Variants in EPB41L4A observed in about 807,000 individuals in gnomAD.
EPB41L4A encodes band 4.1-like protein 4A.
Under a neutral mutation model 108.6 loss-of-function variants are expected in EPB41L4A, and 100 were observed. The observed-to-expected ratio is 0.92, with a 90% CI of 0.78 to 1.09. The LOEUF is 1.09. EPB41L4A is among the 50% of genes least tolerant of loss of function. The pLI, the probability that EPB41L4A is intolerant of heterozygous loss-of-function variation, is 0.00. For missense variants in EPB41L4A, 1,030 were observed against 842.7 expected (o/e 1.22, Z -2.75); for synonymous variants, 319 against 289.0 (o/e 1.10, Z -1.05).
At chr5:112,416,932 T>C (rs1367168426) in intron 1 of EPB41L4A, among the ~76,000 whole-genome samples, 1 of 152,212 alleles carries the variant, frequency 6.6e-6, no homozygotes, top group Non-Finnish European at 1.5e-5. Flanking sequence ...TAAGGTAGCA[T>C]AGAAGATAAT....
intron 18 of EPB41L4A, among the ~76,000 whole-genome samples, chr5:112,177,110 C>G (rs1299065484): frequency 6.6e-6 from 1 of 151,440 alleles, no homozygotes; most frequent in Non-Finnish European, 1.5e-5. Context: ...ATTTTTTTTT[C>G]TACTTTAACT....
chr5:112,252,003 C>T (rs1342657946), intron 9 of EPB41L4A, among the ~76,000 whole-genome samples: 1 of 152,112 alleles, frequency 6.6e-6, no homozygotes, highest in African/African-American at 2.4e-5. Context: ...CTGACCAAAG[C>T]AATTCTGAAA....
intron 10 of EPB41L4A, 40 bp downstream of exon 10, chr5:112,240,679 A>G: frequency 8.9e-7 from 1 of 1,129,668 alleles, no homozygotes; most frequent in Non-Finnish European, 1.3e-6. Flanking sequence ...TGCCATTTTC[A>G]TTTATTAAGA....
At chr5:112,266,390 C>A (rs563638589) in intron 4 of EPB41L4A, 60 bp from the exon 5 acceptor site, 8 of 1,179,618 alleles carry the variant, frequency 6.8e-6, no homozygotes, top group South Asian at 4.5e-5. Context: ...CCTGAGGTTT[C>A]GGACCCTGAT....
At chr5:112,175,553 A>G (rs1009193998) in intron 18 of EPB41L4A, 10 of 152,330 alleles carry the variant, frequency 6.6e-5, no homozygotes, top group African/African-American at 2.4e-4. Flanking sequence ...TCTGACCCTT[A>G]ATGGATACCT....
intron 18 of EPB41L4A, among the ~76,000 whole-genome samples, chr5:112,178,228 TA>T (rs1286967525): frequency 6.6e-6 from 1 of 152,128 alleles, no homozygotes; most frequent in Admixed American, 6.5e-5. Flanking sequence ...ATTGCCAGAA[TA>T]AAGGGTCATC....
intron 12 of EPB41L4A, among the ~76,000 whole-genome samples, chr5:112,151,071 T>C (rs1309723147): frequency 6.6e-6 from 1 of 152,190 alleles, no homozygotes; most frequent in Non-Finnish European, 1.5e-5. Context: ...CTAAGTGATG[T>C]TGATGCTGAT....
chr5:112,383,910 G>C (rs1760329871), intron 1 of EPB41L4A, among the ~76,000 whole-genome samples: 1 of 152,046 alleles, frequency 6.6e-6, no homozygotes, highest in East Asian at 1.9e-4. Flanking sequence ...TAGGTTAAAA[G>C]TTAAGTGTAA....
chr5:112,418,103 T>C (rs1762816987), intron 1 of EPB41L4A, among the ~76,000 whole-genome samples: 3 of 152,124 alleles, frequency 2.0e-5, no homozygotes, highest in African/African-American at 7.2e-5. Flanking sequence ...TAAAATGCCT[T>C]AGCGATCTAA....
At chr5:112,176,031 TTCA>T (rs149225010) in intron 18 of EPB41L4A, among the ~76,000 whole-genome samples, 6,986 of 152,262 alleles carry the variant, frequency 0.046, 185 homozygotes, top group South Asian at 0.069. Flanking sequence ...ATCTACTCTC[TTCA>T]TTTCTCACCA....
intron 1 of EPB41L4A, among the ~76,000 whole-genome samples, chr5:112,364,926 ATG>A (rs1234353744): frequency 6.6e-6 from 1 of 152,216 alleles, no homozygotes; most frequent in East Asian, 1.9e-4. Context: ...ATAGAACCAT[ATG>A]TGAGTATACA....
At chr5:112,395,899 T>C (rs1316889661) in intron 1 of EPB41L4A, among the ~76,000 whole-genome samples, 2 of 152,214 alleles carry the variant, frequency 1.3e-5, no homozygotes, top group African/African-American at 2.4e-5. Context: ...TTATACACCA[T>C]GCAATACTAT....
At chr5:112,161,800 T>C, downstream of EPB41L4A, 1 of 307,844 alleles carries the variant, frequency 3.2e-6, no homozygotes, top group Non-Finnish European at 6.5e-6. Flanking sequence ...CTTAAAGCAC[T>C]TTGTAATGGG....
At chr5:112,231,589 T>C (rs1436836143) in intron 12 of EPB41L4A, among the ~76,000 whole-genome samples, 1 of 150,478 alleles carries the variant, frequency 6.6e-6, no homozygotes, top group African/African-American at 2.4e-5. Context: ...ATCGAGACCA[T>C]CCTGGCTAAC....
chr5:112,307,806 A>C (rs1754793690), intron 1 of EPB41L4A, among the ~76,000 whole-genome samples: 1 of 152,214 alleles, frequency 6.6e-6, no homozygotes, highest in Non-Finnish European at 1.5e-5. Context: ...TTTTATATGA[A>C]GAACATCTAA....
At chr5:112,169,916 A>C in intron 20 of EPB41L4A, 1 of 205,634 alleles carries the variant, frequency 4.9e-6, no homozygotes, top group South Asian at 8.4e-5. Flanking sequence ...AGCCTGCTCA[A>C]TGTGCTGCTT....
intron 1 of EPB41L4A, among the ~76,000 whole-genome samples, chr5:112,382,213 T>C (rs926059799): frequency 6.6e-6 from 1 of 152,134 alleles, no homozygotes; most frequent in African/African-American, 2.4e-5. Flanking sequence ...AATCTAAACA[T>C]ATTTTAAAGA....
At chr5:112,278,652 T>C (rs1415226352) in intron 3 of EPB41L4A, among the ~76,000 whole-genome samples, 1 of 152,196 alleles carries the variant, frequency 6.6e-6, no homozygotes, top group African/African-American at 2.4e-5. Context: ...GTAGACACTT[T>C]AAATGTGCTT....
Position 112,325,672 on chromosome 5 carries a change from A to C in EPB41L4A, c.100-18182T>G, listed in dbSNP as rs1229996935. On this transcript the variant is annotated intron_variant, in intron 1 of 22. Coordinates refer to ENST00000261486, the MANE Select transcript of EPB41L4A (RefSeq NM_022140.5). ...GGAGGTCATTTCAAAGCCAAAGAAC[A>C]GCACAGACCAATGTTCAGAGGTAGC... Among the ~76,000 whole-genome samples, 6 of 152,340 alleles carry C rather than the reference A, an allele frequency of 3.9e-5. No homozygotes were observed. The East Asian group carries it at 1.2e-3, about 29-fold the overall frequency.
Sources: gnomAD v4.1 joint callset for allele counts (sites outside exome capture counted in the v4.1 genomes callset) on GRCh38, gnomAD v4.1.1 for gene constraint, MANE v1.5 for transcripts, NCBI Gene and HGNC (gene_info 2026-07-23, HGNC 2026-07-21) for gene names.